Variants in ELAC2 observed in about 807,000 individuals in gnomAD.
ELAC2 encodes the protein zinc phosphodiesterase ELAC protein 2.
ELAC2 carries 92 observed loss-of-function variants against 105.2 expected under a neutral mutation model. The observed-to-expected ratio is 0.87, with a 90% CI of 0.74 to 1.04. The LOEUF is 1.04. Ranked by LOEUF, ELAC2 falls within the 50% of genes least tolerant of loss-of-function variation. The pLI is 0.00. For missense variants in ELAC2, 1,099 were observed against 1,071.7 expected, an observed-to-expected ratio of 1.03 and a Z score of -0.36; for synonymous variants, 468 against 409.1, an observed-to-expected ratio of 1.14 and a Z score of -1.74.
At chr17:13,002,617 A>T in intron 12 of ELAC2, 38 bp from the exon 13 acceptor site, 1 of 1,571,548 alleles carries the variant, frequency 6.4e-7, no homozygotes, top group Non-Finnish European at 8.6e-7. Flanking sequence ...AGCGTCTGTT[A>T]GGAGGCAGCT....
chr17:12,999,567 G>A (rs919956113), intron 15 of ELAC2, among the ~76,000 whole-genome samples: 2 of 152,240 alleles, frequency 1.3e-5, no homozygotes, highest in Admixed American at 1.3e-4. Flanking sequence ...TTCCACAGGT[G>A]TTCACTAAAA....
At chr17:12,999,775 C>G (rs1174334737) in intron 15 of ELAC2, among the ~76,000 whole-genome samples, 2 of 152,178 alleles carry the variant, frequency 1.3e-5, no homozygotes, top group African/African-American at 4.8e-5. Flanking sequence ...TCTCCTGCCT[C>G]AGTCTCCCGA....
In ELAC2 at chr17:12,993,676, G is replaced by A; in HGVS notation, c.2253+11C>T. 6.2e-7 allele frequency: 1 copy of A among 1,614,148 alleles called. No individual in the cohort carries two copies. The highest frequency in any genetic ancestry group is 8.5e-7 in the Non-Finnish European group (1 of 1,180,028). Reference sequence around the variant, plus strand: ...CGTCCCCGCCCTGTGCTGTCCGTGTGACATACAGACCTTCATGTGGTCAAA... The same window carrying A: ...CGTCCCCGCCCTGTGCTGTCCGTGTAACATACAGACCTTCATGTGGTCAAA... On this transcript the variant is annotated intron_variant, in intron 23 of 23. Coordinates refer to ENST00000338034, the MANE Select transcript of ELAC2 (RefSeq NM_018127.7).
rs1244111145 is a variant in ELAC2 at position 13,010,645 on chromosome 17, C to T, written c.706G>A (p.Asp236Asn). The T allele has an allele frequency of 1.9e-6, 3 of 1,614,012 alleles. No individual in the cohort carries two copies. The South Asian group carries it at 3.3e-5, about 18-fold the overall frequency. ...HGVSQRRGVR[D>N]SSLVVAFICK... Reference sequence around the variant, plus strand: ...ATGAAAGCTACGACCAGGGAAGAGTCCCTGACCCCTCTTCTCTGGCTAACA... The same window carrying T: ...ATGAAAGCTACGACCAGGGAAGAGTTCCTGACCCCTCTTCTCTGGCTAACA... The change falls in exon 8 of 24, where the codon GAC becomes AAC. Residue 236 changes from aspartate (D) to asparagine (N), a missense_variant. By Grantham distance (23) the Asp-to-Asn change is conservative. Transcript: ENST00000338034.
chr17:13,008,668 G>GCAC (rs971673278), intron 8 of ELAC2, among the ~76,000 whole-genome samples: 3 of 152,122 alleles, frequency 2.0e-5, no homozygotes, highest in African/African-American at 7.2e-5. Context: ...CCCCAACAGT[G>GCAC]CACCAGCTGC....
intron 12 of ELAC2, among the ~76,000 whole-genome samples, chr17:13,003,112 C>G (rs1034392995): frequency 4.6e-5 from 7 of 152,238 alleles, no homozygotes; most frequent in African/African-American, 1.7e-4. Flanking sequence ...GGGTATTTCA[C>G]ACACTGCCTC....
Position 13,015,814 on chromosome 17 carries a change from T to G in ELAC2, c.386A>C (p.Lys129Thr). ...TACACACTTTGGAAGCCCGGTTTCC[T>G]TTAAAGTAAGAATCATTCCTAAAAA... is the stretch of plus-strand genomic sequence containing the variant. ...GGLSGMILTL[K>T]ETGLPKCVLS... Residue 129 changes from lysine (K) to threonine (T), a missense_variant, in exon 4 of 24, where the codon AAG (lysine) becomes ACG (threonine). Transcript: ENST00000338034. 6.2e-7 allele frequency: 1 copy of G among 1,614,108 alleles called. No homozygotes were observed. Among genetic ancestry groups the G allele is most frequent in the Non-Finnish European group, 8.5e-7 (1 of 1,179,962 alleles).
intron 21 of ELAC2, 35 bp downstream of exon 21, chr17:12,994,729 C>CA (rs1291197190): frequency 1.2e-6 from 2 of 1,613,450 alleles, no homozygotes; most frequent in African/African-American, 1.3e-5. Context: ...AACCCCAGAG[C>CA]AACCTCAGGG....
intron 3 of ELAC2, 57 bp downstream of exon 3, chr17:13,016,805 C>A: frequency 6.4e-7 from 1 of 1,563,242 alleles, no homozygotes; most frequent in Non-Finnish European, 8.8e-7. Flanking sequence ...ATGGTAAAGC[C>A]GGTTAAAATC....
intron 21 of ELAC2, 128 bp from the exon 22 acceptor site, chr17:12,994,631 A>G (rs2040374775): frequency 6.3e-7 from 1 of 1,599,546 alleles, no homozygotes; most frequent in East Asian, 2.2e-5. Flanking sequence ...TAGGATGACA[A>G]CCAGAGACTC....
intron 14 of ELAC2, 67 bp from the exon 15 acceptor site, chr17:13,000,341 G>A: frequency 2.1e-6 from 3 of 1,405,444 alleles, no homozygotes; most frequent in East Asian, 4.6e-5. Flanking sequence ...ACCCCATTGG[G>A]GATGTCCAGA....
Position 12,993,053 on chromosome 17 carries a change from A to G in ELAC2, c.2254-8T>C, listed in dbSNP as rs186366777. On this transcript the variant is annotated splice_region_variant and splice_polypyrimidine_tract_variant and intron_variant, in intron 23 of 23. Coordinates refer to ENST00000338034, the MANE Select transcript of ELAC2 (RefSeq NM_018127.7). ...AAAGTCTCCAAAGCAGACCTAGAAG[A>G]CACAATAGAAGACAAGGACATGTCT... is the stretch of plus-strand genomic sequence containing the variant. 5.6e-6 allele frequency: 9 copies of G among 1,601,402 alleles called. No individual in the cohort carries two copies. The Admixed American group carries it at 1.5e-4, about 27-fold the overall frequency.
At chr17:13,009,078 A>C (rs1253358542) in intron 8 of ELAC2, among the ~76,000 whole-genome samples, 1 of 152,254 alleles carries the variant, frequency 6.6e-6, no homozygotes, top group African/African-American at 2.4e-5. Flanking sequence ...ATTATCAAAA[A>C]TAAAATATTT....
rs2040217678 is a variant in ELAC2 at position 12,992,203 on chromosome 17, A to T, written c.*615T>A. Among the ~76,000 whole-genome samples, 1 of 152,092 alleles carries T rather than the reference A, an allele frequency of 6.6e-6. No individual in the cohort carries two copies. The highest frequency in any genetic ancestry group is 1.5e-5 in the Non-Finnish European group (1 of 68,030). ...TGGCACAGCTCGAGTTGTCAAAAAG[A>T]CTTGGCGAATAAGGGTGGCTCTCTG... is the stretch of plus-strand genomic sequence containing the variant. On this transcript the variant is annotated 3_prime_UTR_variant, in exon 24 of 24. Transcript: ENST00000338034.
intron 15 of ELAC2, among the ~76,000 whole-genome samples, chr17:12,999,870 G>T (rs1455282393): frequency 6.6e-6 from 1 of 152,172 alleles, no homozygotes; most frequent in Non-Finnish European, 1.5e-5. Context: ...TGTTAGCCAG[G>T]ATGGTCTCGA....
At position 12,998,453 on chromosome 17, in the gene ELAC2, C is replaced by T. The variant is rs140335642; in HGVS notation, c.1479G>A (p.Pro493=). 33 of 1,614,068 alleles carry T rather than the reference C, an allele frequency of 2.0e-5. No homozygotes were observed. The highest frequency in any genetic ancestry group is 1.4e-4 in the South Asian group (13 of 91,084). ...IIFLGTGSAI[P]MKIRNVSATL... Reference sequence around the variant, plus strand: ...TGGCACTGACATTTCGAATCTTCATCGGGATGGCAGACCCTGTTCCAAGGA... The same window carrying T: ...TGGCACTGACATTTCGAATCTTCATTGGGATGGCAGACCCTGTTCCAAGGA... The change falls in exon 16 of 24, where the codon CCG becomes CCA. Residue 493 remains proline (P), a synonymous_variant. Transcript: ENST00000338034.
Position 12,992,685 on chromosome 17 carries a change from C to G in ELAC2, c.*133G>C. ...TGTGGGAGCCCAAGCCTCGGCACAG[C>G]TCCATACCACCTATCCTGAGCTGCC... On this transcript the variant is annotated 3_prime_UTR_variant, in exon 24 of 24. Coordinates refer to ENST00000338034, the MANE Select transcript of ELAC2 (RefSeq NM_018127.7). 3 of 1,083,656 alleles carry G rather than the reference C, an allele frequency of 2.8e-6. No homozygotes were observed. The highest frequency in any genetic ancestry group is 4.1e-6 in the Non-Finnish European group (3 of 736,920). The allele number at this position is 1,083,656 out of a possible 1,614,324, so 67.1% of individuals were successfully genotyped here. A position where few individuals can be genotyped will look rare whatever the true frequency, so the allele number is the denominator to read the frequency against.
intron 8 of ELAC2, 27 bp downstream of exon 8, chr17:13,010,586 T>A (rs773230276): frequency 1.2e-6 from 2 of 1,611,386 alleles, no homozygotes; most frequent in Non-Finnish European, 1.7e-6. Context: ...CCCAGTCATG[T>A]ACAGCCCTCC....
Position 12,998,454 on chromosome 17 carries a change from G to C in ELAC2, c.1478C>G (p.Pro493Arg), listed in dbSNP as rs915692232. ...GGCACTGACATTTCGAATCTTCATCGGGATGGCAGACCCTGTTCCAAGGAA... is the reference window on the plus strand; with the variant it reads ...GGCACTGACATTTCGAATCTTCATCCGGATGGCAGACCCTGTTCCAAGGAA... ...IIFLGTGSAI[P>R]MKIRNVSATL... Residue 493 changes from proline to arginine, a missense_variant, in exon 16 of 24, where the codon CCG (proline) becomes CGG (arginine). Transcript: ENST00000338034. The C allele has an allele frequency of 2.5e-6, 4 of 1,614,020 alleles. No individual in the cohort carries two copies. The highest frequency in any genetic ancestry group is 2.7e-5 in the African/African-American group (2 of 74,902).
Sources: gnomAD v4.1 joint callset for allele counts (sites outside exome capture counted in the v4.1 genomes callset) on GRCh38, gnomAD v4.1.1 for gene constraint, MANE v1.5 for transcripts, NCBI Gene and HGNC (gene_info 2026-07-23, HGNC 2026-07-21) for gene names.